PSPC1: variants seen among roughly 807,000 people sequenced by gnomAD.
PSPC1 encodes the protein paraspeckle component 1.
Under a neutral mutation model 51.6 loss-of-function variants are expected in PSPC1, and 14 were observed. The observed-to-expected ratio is 0.27, with a 90% CI of 0.18 to 0.42. The LOEUF (loss-of-function observed/expected upper bound fraction) is 0.42, where lower values mean the gene tolerates loss of function less well. PSPC1 is among the 10% of genes least tolerant of loss of function. PSPC1 has a pLI of 1.00. For missense variants in PSPC1, 406 were observed against 701.1 expected (o/e 0.58, Z 4.75); for synonymous variants, 193 against 231.9 (o/e 0.83, Z 1.53).
chr13:19,760,302 C>A (rs922370153), intron 2 of PSPC1, among the ~76,000 whole-genome samples: 2 of 151,674 alleles, frequency 1.3e-5, no homozygotes, highest in East Asian at 3.9e-4. Context: ...CCAAGGCAGG[C>A]GGACTACCTC....
At chr13:19,674,529 G>A (rs1015965481), downstream of PSPC1, 7 of 151,924 alleles carry the variant, frequency 4.6e-5, no homozygotes, top group East Asian at 1.9e-4. Flanking sequence ...CCTCCCAAAC[G>A]AAGCTGACTG....
At chr13:19,677,296 T>G (rs890842386) in intron 7 of PSPC1, among the ~76,000 whole-genome samples, 12 of 152,224 alleles carry the variant, frequency 7.9e-5, no homozygotes, top group African/African-American at 2.6e-4. Flanking sequence ...AATTCTAGGT[T>G]TGGAGGTCAT....
rs190546273 is a variant in PSPC1, at chr13:19,759,624, G to A, written c.675-206C>T. 8.0e-4 allele frequency among the ~76,000 whole-genome samples: 122 copies of A among 152,248 alleles called. 1 individual carries two copies. The highest frequency in any genetic ancestry group is 2.0e-3 in the Admixed American group (31 of 15,276). On this transcript the variant is annotated intron_variant, in intron 2 of 8. Transcript: ENST00000338910. ...GCCTGTAATCCCAGTACTTTGGGAG[G>A]CCAAGGAGGGCACATCATTTGAGGT...
rs560417398 is a variant in PSPC1, at chr13:19,721,492, G to A, written c.1158+8747C>T. Among the ~76,000 whole-genome samples, 21 of 152,194 alleles carry A rather than the reference G, an allele frequency of 1.4e-4. No homozygotes were observed. In the South Asian group the frequency reaches 4.3e-3, roughly 32 times the overall value. ...AGACATGAGGTATACCTACAACACA[G>A]CAGGAATAATAAACAAATCACATCA... On this transcript the variant is annotated intron_variant, in intron 6 of 8. Coordinates refer to ENST00000338910, the MANE Select transcript of PSPC1 (RefSeq NM_001354909.2).
intron 4 of PSPC1, among the ~76,000 whole-genome samples, chr13:19,748,077 GTGGTGTACACC>G (rs1421901061): frequency 2.0e-5 from 3 of 152,166 alleles, no homozygotes; most frequent in Non-Finnish European, 4.4e-5. Context: ...GCTGGGCGTG[GTGGTGTACACC>G]TGTAATCCTA....
chr13:19,708,954 G>C (rs1881049315), intron 7 of PSPC1, among the ~76,000 whole-genome samples: 1 of 152,026 alleles, frequency 6.6e-6, no homozygotes, highest in South Asian at 2.1e-4. Context: ...CTTGAGCCCA[G>C]GAGTTCGAGA....
chr13:19,734,797 T>C (rs1049990300), intron 5 of PSPC1, among the ~76,000 whole-genome samples: 1 of 151,280 alleles, frequency 6.6e-6, no homozygotes, highest in Non-Finnish European at 1.5e-5. Flanking sequence ...GCAAGATTCC[T>C]TCTCAAAAAA....
downstream of PSPC1, among the ~76,000 whole-genome samples, chr13:19,698,109 G>GA (rs1326562559): frequency 2.6e-5 from 4 of 151,962 alleles, no homozygotes; most frequent in Non-Finnish European, 4.4e-5. Flanking sequence ...GAACAGGAAA[G>GA]AATGTATCAG....
At chr13:19,684,200 T>C (rs1565956089) in intron 6 of PSPC1, among the ~76,000 whole-genome samples, 1 of 152,192 alleles carries the variant, frequency 6.6e-6, no homozygotes, top group African/African-American at 2.4e-5. Context: ...CTTCTTGTGA[T>C]CACATGAATT....
At chr13:19,716,388 T>A (rs541803496) in intron 6 of PSPC1, among the ~76,000 whole-genome samples, 31 of 152,352 alleles carry the variant, frequency 2.0e-4, no homozygotes, top group East Asian at 5.8e-4. Context: ...GCTTTAACTG[T>A]GTCAACTGGA....
chr13:19,730,894 C>T (rs561976892), intron 5 of PSPC1, among the ~76,000 whole-genome samples: 1 of 131,950 alleles, frequency 7.6e-6, no homozygotes, highest in African/African-American at 2.7e-5. Flanking sequence ...TTGCAGTGAG[C>T]GGAGATCGCG....
intron 4 of PSPC1, among the ~76,000 whole-genome samples, chr13:19,744,590 A>C (rs1885767826): frequency 1.3e-5 from 2 of 151,216 alleles, no homozygotes; most frequent in South Asian, 4.2e-4. Context: ...TTTGAGACAG[A>C]GTCTCGCTTT....
At chr13:19,673,929 T>TA (rs1407066036), downstream of PSPC1, among the ~76,000 whole-genome samples, 5 of 152,338 alleles carry the variant, frequency 3.3e-5, no homozygotes, top group East Asian at 9.6e-4. Context: ...CAGCACAGCT[T>TA]ATGTGACTGA....
At chr13:19,696,221 C>T (rs1879216009) in intron 6 of PSPC1, among the ~76,000 whole-genome samples, 1 of 152,090 alleles carries the variant, frequency 6.6e-6, no homozygotes, top group East Asian at 1.9e-4. Context: ...GTCAGAGAGT[C>T]CCCAGGTGAT....
intron 6 of PSPC1, among the ~76,000 whole-genome samples, chr13:19,710,027 T>G (rs657656): frequency 6.6e-6 from 1 of 152,250 alleles, no homozygotes; most frequent in African/African-American, 2.4e-5. Context: ...GAAATGTATT[T>G]GAACATATAA....
chr13:19,714,553 T>C (rs978621048), intron 6 of PSPC1, among the ~76,000 whole-genome samples: 1 of 150,930 alleles, frequency 6.6e-6, no homozygotes, highest in Non-Finnish European at 1.5e-5. Flanking sequence ...TGGGGTGCAA[T>C]GGCGTGATCT....
At position 19,693,602 on chromosome 13, in the gene PSPC1, C is replaced by T. The variant is rs114302198; in HGVS notation, c.1159-15779G>A. On this transcript the variant is annotated intron_variant and NMD_transcript_variant, in intron 6 of 7. Transcript: ENST00000471658. The stretch of plus-strand genomic sequence containing the variant: ...TGTTTTAAGAGAAATCTTGTATGTA[C>T]GACCAAACCTTTTCAGGACTTAAAA... Among the ~76,000 whole-genome samples the T allele has an allele frequency of 8.2e-3, 1,248 of 152,236 alleles. 17 individuals carry two copies. Among genetic ancestry groups the T allele is most frequent in the African/African-American group, 0.029 (1,195 of 41,532 alleles).
At chr13:19,764,682 TAAAAAAA>T (rs68143550) in intron 2 of PSPC1, among the ~76,000 whole-genome samples, 2 of 78,246 alleles carry the variant, frequency 2.6e-5, no homozygotes, top group Non-Finnish European at 4.6e-5. Flanking sequence ...GAACTTGCCT[TAAAAAAA>T]AAAAAAAAAA....
chr13:19,730,796 A>C (rs1280532274), intron 5 of PSPC1, among the ~76,000 whole-genome samples: 1 of 151,836 alleles, frequency 6.6e-6, no homozygotes, highest in South Asian at 2.1e-4. Flanking sequence ...TATCTCTACT[A>C]AAAATACAAA....
Sources: gnomAD v4.1 joint callset for allele counts (sites outside exome capture counted in the v4.1 genomes callset) on GRCh38, gnomAD v4.1.1 for gene constraint, MANE v1.5 for transcripts, NCBI Gene and HGNC (gene_info 2026-07-23, HGNC 2026-07-21) for gene names.